Variants in PROSER2 observed in about 807,000 individuals in gnomAD.
PROSER2 encodes proline and serine-rich protein 2.
Under a neutral mutation model 14.6 loss-of-function variants are expected in PROSER2, and 18 were observed. The observed-to-expected ratio is 1.23, with a 90% CI of 0.85 to 1.83. The LOEUF (loss-of-function observed/expected upper bound fraction) is 1.83, where lower values mean the gene tolerates loss of function less well. PROSER2 is among the 40% of genes most tolerant of loss of function. The pLI is 0.00. For missense variants in PROSER2, 823 were observed against 629.8 expected, an observed-to-expected ratio of 1.31 and a Z score of -3.28; for synonymous variants, 367 against 286.4, an observed-to-expected ratio of 1.28 and a Z score of -2.84.
chr10:11,870,036 CG>C lies in PROSER2; in HGVS notation c.940del (p.Glu314SerfsTer39). On this transcript the variant is annotated frameshift_variant, in exon 4 of 4. Transcript: ENST00000277570. LOFTEE classifies it low-confidence loss of function (END_TRUNC). ...GEGAPGGGSS[P>X]ERVARGRGLP... ...GGGGCCCCAGGGGGCGGCTCCTCCC[CG>C]GAGCGGGTGGCGCGTGGCCGGGGCC... 5 of 1,238,618 alleles carry C rather than the reference CG, an allele frequency of 4.0e-6. No homozygotes were observed. Among genetic ancestry groups the C allele is most frequent in the Non-Finnish European group, 5.0e-6 (5 of 991,678 alleles). 76.7% of individuals were successfully genotyped at this position (1,238,618 alleles called of 1,614,324 possible). A position where few individuals can be genotyped will look rare whatever the true frequency, so the allele number is the denominator to read the frequency against.
rs578164312 is a variant in PROSER2 at position 11,856,276 on chromosome 10, C to A, written c.138+4061C>A. Among the ~76,000 whole-genome samples, 2 of 152,300 alleles carry A rather than the reference C, an allele frequency of 1.3e-5. No homozygotes were observed. The highest frequency in any genetic ancestry group is 4.8e-5 in the African/African-American group (2 of 41,554). On this transcript the variant is annotated intron_variant, in intron 2 of 3. Coordinates refer to ENST00000277570, the MANE Select transcript of PROSER2 (RefSeq NM_153256.4). This position sits in a 1 kb window ranked among gnomAD's most constrained non-coding sequence, Gnocchi z 5.3. ...TGGTTACCACCGTCACCCTCTAAGGCCTGTGTCTCCAGGGCTCACCTCGTC... is the reference window on the plus strand; with the variant it reads ...TGGTTACCACCGTCACCCTCTAAGGACTGTGTCTCCAGGGCTCACCTCGTC...
At chr10:11,841,329 T>G (rs1283783967) in intron 1 of PROSER2, among the ~76,000 whole-genome samples, 1 of 152,132 alleles carries the variant, frequency 6.6e-6, no homozygotes, top group African/African-American at 2.4e-5. Context: ...TGTTCATCCA[T>G]TTTTCCCCTC....
chr10:11,863,459 G>T (rs556221397), intron 2 of PROSER2, among the ~76,000 whole-genome samples: 8 of 151,984 alleles, frequency 5.3e-5, no homozygotes, highest in Admixed American at 2.6e-4. Flanking sequence ...AACCACTTGA[G>T]CCCTGGGGGC....
intron 1 of PROSER2, among the ~76,000 whole-genome samples, chr10:11,827,279 G>T (rs915267478): frequency 1.3e-5 from 2 of 151,862 alleles, no homozygotes; most frequent in Non-Finnish European, 2.9e-5. Context: ...GAACGACTTC[G>T]TTGCTGGACA....
Position 11,836,126 on chromosome 10 carries a change from G to C in PROSER2, c.-82+12656G>C, listed in dbSNP as rs906339114. ...GGCTCACTGCAACCTCGGCCTTCTG[G>C]GTTCAAGCGATTCTCCTGCCTCAGT... On this transcript the variant is annotated intron_variant, in intron 1 of 3. Coordinates refer to ENST00000277570, the MANE Select transcript of PROSER2 (RefSeq NM_153256.4). This position sits in a 1 kb window ranked among gnomAD's most constrained non-coding sequence, Gnocchi z 4.6. Among the ~76,000 whole-genome samples the C allele has an allele frequency of 6.6e-6, 1 of 152,090 alleles. No individual in the cohort carries two copies. Among genetic ancestry groups the C allele is most frequent in the Non-Finnish European group, 1.5e-5 (1 of 68,016 alleles).
rs111331850 is a variant in PROSER2, at chr10:11,847,321, G to T, written c.-81-4676G>T. 5.4e-3 allele frequency among the ~76,000 whole-genome samples: 819 copies of T among 152,164 alleles called. 12 individuals are homozygous for T. Among genetic ancestry groups the T allele is most frequent in the African/African-American group, 0.019 (781 of 41,508 alleles). On this transcript the variant is annotated intron_variant, in intron 1 of 3. Coordinates refer to ENST00000277570, the MANE Select transcript of PROSER2 (RefSeq NM_153256.4). ...AGGATTGCTGTTCCCAGCGCAGCCC[G>T]CTGCAGTGTGATTTCTAACCCGCCT...
chr10:11,869,680 C>A lies in PROSER2; in HGVS notation c.582C>A (p.Pro194=). The change falls in exon 4 of 4, where the codon CCC becomes CCA. Residue 194 remains proline, a synonymous_variant. Coordinates refer to ENST00000277570, the MANE Select transcript of PROSER2 (RefSeq NM_153256.4). This position sits in a 1 kb window ranked among gnomAD's most constrained non-coding sequence, Gnocchi z 4.4. Reference sequence around the variant, plus strand: ...GACTCCTGCGCTCTGTTCCCACGCCCCTCGTTATGGCGCAGAAGATTTCCG... The same window carrying A: ...GACTCCTGCGCTCTGTTCCCACGCCACTCGTTATGGCGCAGAAGATTTCCG... ...HPRLLRSVPT[P]LVMAQKISER... The A allele has an allele frequency of 6.3e-7, 1 of 1,598,724 alleles. No homozygotes were observed.
chr10:11,845,363 T>C (rs917244180), intron 1 of PROSER2, among the ~76,000 whole-genome samples: 1 of 152,200 alleles, frequency 6.6e-6, no homozygotes, highest in African/African-American at 2.4e-5. Context: ...TAGCTGCTTT[T>C]AACTTTTTCT....
At chr10:11,863,690 A>G (rs929497047) in intron 2 of PROSER2, among the ~76,000 whole-genome samples, 2 of 151,986 alleles carry the variant, frequency 1.3e-5, no homozygotes, top group African/African-American at 4.8e-5. Context: ...AACTCTACCT[A>G]TTTGTTATTT....
At position 11,830,987 on chromosome 10, in the gene PROSER2, T is replaced by C. The variant is rs946871614; in HGVS notation, c.-82+7517T>C. Among the ~76,000 whole-genome samples the C allele has an allele frequency of 6.6e-6, 1 of 152,114 alleles. No individual in the cohort carries two copies. The highest frequency in any genetic ancestry group is 2.4e-5 in the African/African-American group (1 of 41,398). ...ATCATCTGGCTCGCAAAGGGACTGG[T>C]GGAAGATGAGGTTAAAAGTTTCATG... is the stretch of plus-strand genomic sequence containing the variant. On this transcript the variant is annotated intron_variant, in intron 1 of 3. Transcript: ENST00000277570. The surrounding 1 kb of genome is among the most constrained non-coding windows in gnomAD (Gnocchi z 4.5).
chr10:11,833,215 T>C (rs978843597), intron 1 of PROSER2, among the ~76,000 whole-genome samples: 2 of 146,746 alleles, frequency 1.4e-5, no homozygotes, highest in African/African-American at 5.0e-5. Context: ...TTGTGACAAG[T>C]ATTATACAAA....
chr10:11,824,722 A>G (rs1156909173), intron 1 of PROSER2, among the ~76,000 whole-genome samples: 1 of 152,248 alleles, frequency 6.6e-6, no homozygotes, highest in Non-Finnish European at 1.5e-5. Flanking sequence ...CGACTGGATT[A>G]TATTCCTTGG....
chr10:11,847,479 G>T (rs957838949), intron 1 of PROSER2, among the ~76,000 whole-genome samples: 2 of 152,058 alleles, frequency 1.3e-5, no homozygotes, highest in Non-Finnish European at 1.5e-5. Context: ...GTGCATTGGC[G>T]CAATCTCTGC....
At chr10:11,828,252 A>G (rs1261696057) in intron 1 of PROSER2, among the ~76,000 whole-genome samples, 1 of 148,288 alleles carries the variant, frequency 6.7e-6, no homozygotes, top group Non-Finnish European at 1.5e-5. Context: ...TTCTGGGGGT[A>G]TTTCAAACCA....
At chr10:11,860,960 A>G (rs1465184877) in intron 2 of PROSER2, among the ~76,000 whole-genome samples, 1 of 151,622 alleles carries the variant, frequency 6.6e-6, no homozygotes, top group Non-Finnish European at 1.5e-5. Flanking sequence ...ACAAAAATTA[A>G]CCGGGCGTGG....
chr10:11,850,840 T>A (rs1434417844), intron 1 of PROSER2: 1 of 152,274 alleles, frequency 6.6e-6, no homozygotes, highest in African/African-American at 2.4e-5. Flanking sequence ...AAGAGGCTTA[T>A]TCCTATGAGT....
chr10:11,839,567 C>A (rs1400360537), intron 1 of PROSER2, among the ~76,000 whole-genome samples: 1 of 152,190 alleles, frequency 6.6e-6, no homozygotes, highest in Non-Finnish European at 1.5e-5. Context: ...TGGCTCACGC[C>A]TGTACTCCCA....
intron 1 of PROSER2, among the ~76,000 whole-genome samples, chr10:11,843,540 T>C (rs1430612237): frequency 6.6e-6 from 1 of 151,870 alleles, no homozygotes; most frequent in Non-Finnish European, 1.5e-5. Context: ...ACAAAAATTA[T>C]AGGCGCGTGG....
At chr10:11,867,264 CAAA>C (rs10560433) in intron 3 of PROSER2, among the ~76,000 whole-genome samples, 661 of 51,770 alleles carry the variant, frequency 0.013, 2 homozygotes, top group African/African-American at 0.042. Flanking sequence ...GACTCCGTCT[CAAA>C]AAAAAAAAAA....
Sources: allele counts gnomAD v4.1 joint callset (sites outside exome capture counted in the v4.1 genomes callset), GRCh38; gene constraint gnomAD v4.1.1; non-coding constraint Gnocchi (gnomAD v3.1); transcripts MANE v1.5; gene names NCBI Gene and HGNC (gene_info 2026-07-23, HGNC 2026-07-21).